The following TBC1D5 variants were observed in gnomAD, a reference collection of about 807,000 sequenced individuals.
TBC1D5 encodes TBC1 domain family, member 5.
Under a neutral mutation model 100.3 loss-of-function variants are expected in TBC1D5, and 75 were observed. The ratio of observed to expected loss-of-function variants is 0.75; its 90% confidence interval spans 0.62 to 0.91. TBC1D5 has a LOEUF of 0.91. Ranked by LOEUF, TBC1D5 falls within the 40% of genes least tolerant of loss-of-function variation. The pLI is 0.00. For missense variants in TBC1D5, 910 were observed against 942.4 expected, an observed-to-expected ratio of 0.97 and a Z score of 0.45; for synonymous variants, 323 against 325.6, an observed-to-expected ratio of 0.99 and a Z score of 0.09.
At chr3:17,326,879 G>C (rs2086220236) in intron 13 of TBC1D5, among the ~76,000 whole-genome samples, 1 of 152,146 alleles carries the variant, frequency 6.6e-6, no homozygotes, top group Admixed American at 6.5e-5. Context: ...CAACCCTCTA[G>C]TTGCTCAGGA....
intron 3 of TBC1D5, among the ~76,000 whole-genome samples, chr3:17,472,807 T>C (rs1347213489): frequency 6.6e-6 from 1 of 152,208 alleles, no homozygotes; most frequent in Non-Finnish European, 1.5e-5. Flanking sequence ...TAAAAACATA[T>C]ATTTCTACAT....
At chr3:17,258,572 G>T (rs200870841) in exon 16 of TBC1D5, 1 of 1,612,400 alleles carries the variant, frequency 6.2e-7, no homozygotes, top group Non-Finnish European at 8.5e-7. Flanking sequence ...GAATTGATAA[G>T]TCACTGGTCT....
intron 8 of TBC1D5, among the ~76,000 whole-genome samples, chr3:17,395,092 G>A (rs1193963764): frequency 6.6e-6 from 1 of 152,066 alleles, no homozygotes; most frequent in Non-Finnish European, 1.5e-5. Flanking sequence ...AAAACAAAAA[G>A]GAGGGGCGGT....
intron 1 of TBC1D5, among the ~76,000 whole-genome samples, chr3:17,700,904 T>A (rs972893990): frequency 3.9e-5 from 6 of 152,132 alleles, no homozygotes; most frequent in Non-Finnish European, 8.8e-5. Context: ...AGTTCAACCA[T>A]TGTGGAAGAC....
intron 1 of TBC1D5, among the ~76,000 whole-genome samples, chr3:17,701,327 G>T (rs764669732): frequency 1.3e-5 from 2 of 152,112 alleles, no homozygotes; most frequent in African/African-American, 2.4e-5. Context: ...GGCCTGTTAG[G>T]GGGTAGGGGG....
intron 16 of TBC1D5, among the ~76,000 whole-genome samples, chr3:17,242,583 G>A (rs1344540108): frequency 6.6e-6 from 1 of 151,832 alleles, no homozygotes; most frequent in Admixed American, 6.6e-5. Context: ...AGCATTTAAA[G>A]CTACACATAT....
chr3:17,344,140 C>T lies in TBC1D5; in HGVS notation c.995+27935G>A, dbSNP rs545767920. On this transcript the variant is annotated intron_variant, in intron 13 of 21. Transcript: ENST00000253692. ...TTCCCAAATTGTCCCTGTTTGCAGACGACATGATTGTATTATCTAGAAAAC... is the reference window on the plus strand; with the variant it reads ...TTCCCAAATTGTCCCTGTTTGCAGATGACATGATTGTATTATCTAGAAAAC... Among the ~76,000 whole-genome samples the T allele has an allele frequency of 6.6e-5, 10 of 152,172 alleles. No homozygotes were observed. The South Asian group carries it at 8.3e-4, about 13-fold the overall frequency.
At chr3:17,501,738 C>A (rs1260733840) in intron 3 of TBC1D5, among the ~76,000 whole-genome samples, 1 of 149,468 alleles carries the variant, frequency 6.7e-6, no homozygotes, top group Non-Finnish European at 1.5e-5. Flanking sequence ...CTGACAAAAA[C>A]CCTGGCTGTT....
At chr3:17,710,679 TTTTA>T (rs779837083) in intron 1 of TBC1D5, among the ~76,000 whole-genome samples, 65 of 152,014 alleles carry the variant, frequency 4.3e-4, no homozygotes, top group South Asian at 1.9e-3. Context: ...TTTTCATTTA[TTTTA>T]TTTATTTATT....
intron 10 of TBC1D5, 119 bp downstream of exon 10, chr3:17,376,406 T>A: frequency 1.2e-6 from 1 of 850,090 alleles, no homozygotes; most frequent in Non-Finnish European, 1.8e-6. Flanking sequence ...CACAATCAAA[T>A]GTTTACAACT....
intron 1 of TBC1D5, among the ~76,000 whole-genome samples, chr3:17,705,044 C>G: frequency 8.7e-6 from 1 of 114,338 alleles, no homozygotes; most frequent in Non-Finnish European, 1.9e-5. Flanking sequence ...GCTGGCCAGG[C>G]GGGGGGCTGA....
intron 2 of TBC1D5, among the ~76,000 whole-genome samples, chr3:17,611,151 T>C (rs868797101): frequency 6.6e-6 from 1 of 152,294 alleles, no homozygotes; most frequent in African/African-American, 2.4e-5. Flanking sequence ...TTCTAGCTCA[T>C]GCAGTGGGTT....
chr3:17,443,693 G>A (rs916764887), intron 3 of TBC1D5, among the ~76,000 whole-genome samples: 1 of 152,032 alleles, frequency 6.6e-6, no homozygotes, highest in African/African-American at 2.4e-5. Context: ...AAAAATAGAA[G>A]TTCACTGTAA....
At chr3:17,648,902 C>T (rs2065266426) in intron 1 of TBC1D5, among the ~76,000 whole-genome samples, 1 of 152,106 alleles carries the variant, frequency 6.6e-6, no homozygotes, top group Non-Finnish European at 1.5e-5. Context: ...GTTCAACCAT[C>T]ATGGAAAGCA....
At chr3:17,570,130 A>G (rs1209269557) in intron 2 of TBC1D5, among the ~76,000 whole-genome samples, 2 of 152,008 alleles carry the variant, frequency 1.3e-5, no homozygotes, top group East Asian at 1.9e-4. Context: ...AGACTCTGTA[A>G]GTGGAGGCCT....
At chr3:17,317,225 A>G (rs1276500806) in intron 13 of TBC1D5, among the ~76,000 whole-genome samples, 1 of 152,244 alleles carries the variant, frequency 6.6e-6, no homozygotes, top group Non-Finnish European at 1.5e-5. Context: ...AAAGCCAAGT[A>G]TTAACGGTTT....
intron 13 of TBC1D5, among the ~76,000 whole-genome samples, chr3:17,335,682 G>A (rs763839817): frequency 6.6e-6 from 1 of 152,042 alleles, no homozygotes; most frequent in Non-Finnish European, 1.5e-5. Context: ...AATGATCTAC[G>A]TTTTAAGGAG....
chr3:17,502,184 C>T (rs2095795237), intron 3 of TBC1D5, among the ~76,000 whole-genome samples: 1 of 149,654 alleles, frequency 6.7e-6, no homozygotes, highest in Admixed American at 6.6e-5. Context: ...ACTGTTGTGC[C>T]TTTTCTCTTC....
At chr3:17,646,449 C>T (rs543966089) in intron 1 of TBC1D5, among the ~76,000 whole-genome samples, 12 of 152,236 alleles carry the variant, frequency 7.9e-5, no homozygotes, top group African/African-American at 2.2e-4. Flanking sequence ...ATCAAGCCCG[C>T]TACTTATCTC....
Sources: allele counts gnomAD v4.1 joint callset (sites outside exome capture counted in the v4.1 genomes callset), GRCh38; gene constraint gnomAD v4.1.1; transcripts MANE v1.5; gene names NCBI Gene and HGNC (gene_info 2026-07-23, HGNC 2026-07-21).